FGF14: variants seen among roughly 807,000 people sequenced by gnomAD.
The protein encoded by FGF14 is fibroblast growth factor homologous factor 4.
FGF14 carries 5 observed loss-of-function variants against 25.5 expected under a neutral mutation model. The observed-to-expected ratio is 0.20, with a 90% confidence interval of 0.10 to 0.41. The LOEUF is 0.41. Ranked by LOEUF, FGF14 falls within the 10% of genes least tolerant of loss-of-function variation. The pLI, the probability that FGF14 is intolerant of heterozygous loss-of-function variation, is 1.00. For synonymous variants in FGF14, 138 were observed against 118.3 expected, an observed-to-expected ratio of 1.17 and a Z score of -1.08; for missense variants, 222 against 320.1, an observed-to-expected ratio of 0.69 and a Z score of 2.34.
intron 1 of FGF14, among the ~76,000 whole-genome samples, chr13:102,139,049 G>A (rs1594111110): frequency 6.6e-6 from 1 of 152,288 alleles, no homozygotes; most frequent in East Asian, 1.9e-4. Context: ...CTTGCTACAA[G>A]TTCCATGTAA....
intron 1 of FGF14, among the ~76,000 whole-genome samples, chr13:102,363,027 T>C (rs2057611137): frequency 6.6e-6 from 1 of 152,170 alleles, no homozygotes; most frequent in African/African-American, 2.4e-5. Flanking sequence ...GTTAAGAATA[T>C]TAAACCATTA....
At chr13:101,782,550 T>C (rs1211929018) in intron 3 of FGF14, among the ~76,000 whole-genome samples, 1 of 152,124 alleles carries the variant, frequency 6.6e-6, no homozygotes, top group East Asian at 1.9e-4. Flanking sequence ...CCCTTCACCC[T>C]CTGAAAGACC....
intron 1 of FGF14, among the ~76,000 whole-genome samples, chr13:102,367,079 C>T (rs2057736100): frequency 6.6e-6 from 1 of 152,072 alleles, no homozygotes; most frequent in Admixed American, 6.6e-5. Flanking sequence ...ATAAATTACC[C>T]CAAAACTTAG....
chr13:102,133,641 A>C (rs931673695), intron 1 of FGF14, among the ~76,000 whole-genome samples: 7 of 152,214 alleles, frequency 4.6e-5, no homozygotes, highest in Non-Finnish European at 8.8e-5. Flanking sequence ...TCTTTTTAAA[A>C]CAGTCCCAAC....
In FGF14 at chr13:101,715,891, G is replaced by T. The variant is rs766290923; in HGVS notation, c.*6940C>A. On this transcript the variant is annotated 3_prime_UTR_variant, in exon 5 of 5. Coordinates refer to ENST00000376143, the MANE Select transcript of FGF14 (RefSeq NM_004115.4). ...ATAATTAACATAAGTGGTTCCTAAC[G>T]AGAGCAATTTTTCCACCCAAAAGTC... 26 of 416,712 alleles carry T rather than the reference G, an allele frequency of 6.2e-5. No individual in the cohort carries two copies. Among genetic ancestry groups the T allele is most frequent in the Non-Finnish European group, 1.0e-4 (23 of 228,054 alleles). 25.8% of individuals were successfully genotyped at this position (416,712 alleles called of 1,614,324 possible).
chr13:102,224,394 T>C (rs927250562), intron 1 of FGF14, among the ~76,000 whole-genome samples: 1 of 152,166 alleles, frequency 6.6e-6, no homozygotes, highest in African/African-American at 2.4e-5. Flanking sequence ...AGATATTTCA[T>C]TGTACTGTGT....
chr13:102,297,723 A>C (rs1272799114), intron 1 of FGF14, among the ~76,000 whole-genome samples: 1 of 26,492 alleles, frequency 3.8e-5, no homozygotes, highest in Non-Finnish European at 7.9e-5. Context: ...CTACCTCTAT[A>C]AAAAAAAAAA....
intron 1 of FGF14, among the ~76,000 whole-genome samples, chr13:102,236,134 G>A (rs969478394): frequency 6.6e-6 from 1 of 152,194 alleles, no homozygotes; most frequent in Non-Finnish European, 1.5e-5. Context: ...CCTAAGGTGA[G>A]TGCGTCCCTC....
At chr13:101,864,649 T>A (rs8000235) in intron 3 of FGF14, among the ~76,000 whole-genome samples, 2 of 152,098 alleles carry the variant, frequency 1.3e-5, no homozygotes, top group Non-Finnish European at 2.9e-5. Flanking sequence ...AAAATCAACA[T>A]GAAAAAGGAT....
intron 1 of FGF14, among the ~76,000 whole-genome samples, chr13:101,903,941 A>G (rs1303748945): frequency 6.6e-6 from 1 of 152,168 alleles, no homozygotes; most frequent in African/African-American, 2.4e-5. Flanking sequence ...TGGATACCTT[A>G]AGTATCCATC....
intron 2 of FGF14, among the ~76,000 whole-genome samples, chr13:101,869,536 T>C (rs1304631185): frequency 6.6e-6 from 1 of 152,220 alleles, no homozygotes; most frequent in African/African-American, 2.4e-5. Flanking sequence ...TGTATTTCCA[T>C]GGCAGTGCTG....
intron 3 of FGF14, among the ~76,000 whole-genome samples, chr13:101,763,189 G>A (rs2038144756): frequency 8.2e-6 from 1 of 121,606 alleles, no homozygotes; most frequent in African/African-American, 2.6e-5. Flanking sequence ...ACAGAGACCT[G>A]TGATTACAGT....
At chr13:102,001,869 T>C (rs934314086) in intron 1 of FGF14, among the ~76,000 whole-genome samples, 6 of 152,202 alleles carry the variant, frequency 3.9e-5, no homozygotes, top group African/African-American at 1.4e-4. Flanking sequence ...GGAGGTATGC[T>C]GTGTCCTGTG....
chr13:102,247,849 T>C (rs2141055403), intron 1 of FGF14, among the ~76,000 whole-genome samples: 1 of 152,236 alleles, frequency 6.6e-6, no homozygotes, highest in Admixed American at 6.5e-5. Flanking sequence ...TAAATGCTCA[T>C]CAATGGTAGG....
At chr13:102,152,031 CCT>C (rs1333056895) in intron 1 of FGF14, among the ~76,000 whole-genome samples, 1 of 152,076 alleles carries the variant, frequency 6.6e-6, no homozygotes, top group Non-Finnish European at 1.5e-5. Context: ...TGTTCAAGCC[CCT>C]GACTGCCAAG....
intron 1 of FGF14, among the ~76,000 whole-genome samples, chr13:102,260,233 T>G (rs968537702): frequency 2.6e-5 from 4 of 152,220 alleles, no homozygotes; most frequent in Non-Finnish European, 4.4e-5. Flanking sequence ...TAACTGGTAC[T>G]CAAATTCTCA....
At chr13:102,152,127 G>T (rs2047114015) in intron 1 of FGF14, among the ~76,000 whole-genome samples, 1 of 152,088 alleles carries the variant, frequency 6.6e-6, no homozygotes, top group African/African-American at 2.4e-5. Context: ...ACAAATACTG[G>T]TTTTCTATAC....
At chr13:101,939,067 C>G (rs985425197) in intron 1 of FGF14, among the ~76,000 whole-genome samples, 2 of 152,092 alleles carry the variant, frequency 1.3e-5, no homozygotes, top group East Asian at 3.9e-4. Flanking sequence ...GCCAATAGTG[C>G]CAAGGCTGAG....
At chr13:101,812,276 G>T (rs1471352928) in intron 3 of FGF14, among the ~76,000 whole-genome samples, 4 of 151,922 alleles carry the variant, frequency 2.6e-5, no homozygotes, top group Non-Finnish European at 5.9e-5. Flanking sequence ...AGAATTTTTG[G>T]TGCAGATGTT....
Sources: allele counts gnomAD v4.1 joint callset (sites outside exome capture counted in the v4.1 genomes callset), GRCh38; gene constraint gnomAD v4.1.1; transcripts MANE v1.5; gene names NCBI Gene and HGNC (gene_info 2026-07-23, HGNC 2026-07-21).